The following CIITA variants were observed in gnomAD, a reference collection of about 807,000 sequenced individuals.
The protein encoded by CIITA is class II major histocompatibility complex transactivator, also known as MHC class II transactivator.
Under a neutral mutation model 115.1 loss-of-function variants are expected in CIITA, and 72 were observed. That is an observed-to-expected ratio of 0.63 (90% CI 0.52 to 0.76). The LOEUF (loss-of-function observed/expected upper bound fraction) is 0.76, where lower values mean the gene tolerates loss of function less well. Among genes scored for constraint, CIITA ranks in the 30% least tolerant of loss-of-function variants. CIITA has a pLI of 0.00. For missense variants in CIITA, 1,617 were observed against 1,463.8 expected (o/e 1.10, Z -1.71); for synonymous variants, 763 against 635.6 (o/e 1.20, Z -3.02).
chr16:10,912,248 G>T (rs780792196), intron 13 of CIITA, among the ~76,000 whole-genome samples: 3 of 151,974 alleles, frequency 2.0e-5, no homozygotes, highest in Non-Finnish European at 4.4e-5. Flanking sequence ...CGAGTAGCTG[G>T]GATTACAGGT....
intron 13 of CIITA, among the ~76,000 whole-genome samples, chr16:10,912,426 C>T (rs2039644538): frequency 6.6e-6 from 1 of 152,130 alleles, no homozygotes; most frequent in Non-Finnish European, 1.5e-5. Context: ...TAATTCAGTG[C>T]ATTTTATATA....
chr16:10,906,777 T>G lies in CIITA; in HGVS notation c.1285T>G (p.Trp429Gly). The G allele has an allele frequency of 6.2e-7, 1 of 1,611,624 alleles. No homozygotes were observed. Among genetic ancestry groups the G allele is most frequent in the South Asian group, 1.1e-5 (1 of 91,072 alleles). Residue 429 changes from tryptophan (W) to glycine (G), a missense_variant, in exon 11 of 20, where the codon TGG (tryptophan) becomes GGG (glycine). Physicochemically the swap from Trp to Gly is radical, Grantham distance 184. Coordinates refer to ENST00000324288, the MANE Select transcript of CIITA (RefSeq NM_000246.4). ...CAAAGCTGGTCAGGGCAAGAGCTATTGGGCTGGGGCAGTGAGCCGGGCCTG... is the reference window on the plus strand; with the variant it reads ...CAAAGCTGGTCAGGGCAAGAGCTATGGGGCTGGGGCAGTGAGCCGGGCCTG... Reference protein sequence around the residue: ...LGKAGQGKSYWAGAVSRAWAC... With the variant: ...LGKAGQGKSYGAGAVSRAWAC...
intron 1 of CIITA, among the ~76,000 whole-genome samples, chr16:10,877,780 A>C (rs1477032912): frequency 6.6e-6 from 1 of 152,220 alleles, no homozygotes; most frequent in Non-Finnish European, 1.5e-5. Flanking sequence ...CCAGAGAAGC[A>C]GGGAAACCAA....
intron 11 of CIITA, chr16:10,908,749 T>C (rs1368533590): frequency 3.4e-6 from 2 of 592,174 alleles, no homozygotes; most frequent in Non-Finnish European, 3.0e-6. Context: ...CCCCTAAACA[T>C]ACTTTACCCA....
At chr16:10,910,636 G>C (rs2144813984) in intron 13 of CIITA, among the ~76,000 whole-genome samples, 1 of 152,356 alleles carries the variant, frequency 6.6e-6, no homozygotes, top group East Asian at 1.9e-4. Flanking sequence ...GTGAGGATAA[G>C]GAATGAGCTG....
chr16:10,940,506 C>G (rs908314415), downstream of CIITA: 4 of 152,436 alleles, frequency 2.6e-5, no homozygotes, highest in African/African-American at 9.6e-5. The surrounding 1 kb of genome is among the most constrained non-coding windows in gnomAD (Gnocchi z 4.2). Context: ...CTCAGCATCC[C>G]CTCTTCATTG....
intron 1 of CIITA, among the ~76,000 whole-genome samples, chr16:10,885,186 G>A (rs1335086360): frequency 1.3e-5 from 2 of 152,190 alleles, no homozygotes; most frequent in African/African-American, 2.4e-5. Flanking sequence ...CCTATCGACT[G>A]GATTCAACTT....
Position 10,923,224 on chromosome 16 carries a change from G to T in CIITA, c.3318-4G>T, listed in dbSNP as rs772254170. On this transcript the variant is annotated splice_polypyrimidine_tract_variant and splice_region_variant and intron_variant, in intron 18 of 19. Coordinates refer to ENST00000324288, the MANE Select transcript of CIITA (RefSeq NM_000246.4). The surrounding 1 kb of genome is among the most constrained non-coding windows in gnomAD (Gnocchi z 5.2). ...CTGGCTCTGAGTCCCATCCCCCCTT[G>T]CAGGATGTGGACGCCCACCATCCCA... The T allele has an allele frequency of 3.7e-6, 6 of 1,612,556 alleles. No individual in the cohort carries two copies. In the East Asian group the frequency reaches 8.9e-5, roughly 24 times the overall value.
Position 10,902,753 on chromosome 16 carries a change from C to A in CIITA, c.724C>A (p.Gln242Lys), listed in dbSNP as rs745359262. 7.4e-6 allele frequency: 12 copies of A among 1,614,070 alleles called. No individual in the cohort carries two copies. The highest frequency in any genetic ancestry group is 3.3e-5 in the Admixed American group (2 of 60,000). ...TISTLPHGLW[Q>K]ISEAGTGVSS... ...CTCCACTCTGCCCCATGGGCTCTGG[C>A]AAATCTCTGAGGCTGGAACAGGGGT... The change falls in exon 8 of 20, where the codon CAA becomes AAA. Residue 242 changes from glutamine to lysine, a missense_variant. Gln to Lys is a moderately conservative substitution (Grantham distance 53). Transcript: ENST00000324288.
rs761755713 is a variant in CIITA at position 10,902,194 on chromosome 16, G to T, written c.628+10G>T. ...ACCGACCAGATTCCCAGTATGTTAG[G>T]GGGCTTGGAGAGAGTGGGCTTTCTC... On this transcript the variant is annotated intron_variant, in intron 7 of 19. Coordinates refer to ENST00000324288, the MANE Select transcript of CIITA (RefSeq NM_000246.4). The T allele has an allele frequency of 1.9e-6, 3 of 1,614,036 alleles. No individual in the cohort carries two copies. Among genetic ancestry groups the T allele is most frequent in the South Asian group, 2.2e-5 (2 of 91,086 alleles).
chr16:10,903,469 G>T (rs2038927037), intron 8 of CIITA, among the ~76,000 whole-genome samples: 1 of 152,200 alleles, frequency 6.6e-6, no homozygotes. Context: ...AGCAGGAAGA[G>T]TGCAATAGTA....
At chr16:10,871,801 A>G (rs1448040668) in intron 1 of CIITA, among the ~76,000 whole-genome samples, 2 of 152,120 alleles carry the variant, frequency 1.3e-5, no homozygotes, top group Non-Finnish European at 2.9e-5. Context: ...CGTGCCTTTC[A>G]TCTTGGACTG....
rs141420151 is a variant in CIITA at position 10,941,623 on chromosome 16, G to C, written n.749G>C. On this transcript the variant is annotated non_coding_transcript_exon_variant, in exon 2 of 2. Transcript: ENST00000573379. The surrounding 1 kb of genome is among the most constrained non-coding windows in gnomAD (Gnocchi z 6.4). ...CTGGGGAACCATCCCCGTCCAGATGGTGCCCCCAACCAGCTGCGGCGGCAT... is the reference window on the plus strand; with the variant it reads ...CTGGGGAACCATCCCCGTCCAGATGCTGCCCCCAACCAGCTGCGGCGGCAT... The C allele has an allele frequency of 4.1e-4, 616 of 1,515,670 alleles. 3 individuals are homozygous for C. In the African/African-American group the frequency reaches 7.4e-3, roughly 18 times the overall value. 93.9% of individuals were successfully genotyped at this position (1,515,670 alleles called of 1,614,324 possible). A position where few individuals can be genotyped will look rare whatever the true frequency, so the allele number is the denominator to read the frequency against.
chr16:10,926,377 G>T lies in CIITA; in HGVS notation c.*2522G>T, dbSNP rs1412811706. On this transcript the variant is annotated 3_prime_UTR_variant, in exon 20 of 20. Transcript: ENST00000324288. Reference sequence around the variant, plus strand: ...CAGAGGCCATGGGCCTCCTGTGTGTGCGCCTACAGGAGTGAGCACTAAGGT... The same window carrying T: ...CAGAGGCCATGGGCCTCCTGTGTGTTCGCCTACAGGAGTGAGCACTAAGGT... The T allele has an allele frequency of 3.3e-5, 5 of 152,328 alleles. No individual in the cohort carries two copies. In the East Asian group the frequency reaches 9.6e-4, roughly 29 times the overall value. The allele number at this position is 152,328 out of a possible 1,614,324, so 9.4% of individuals were successfully genotyped here.
chr16:10,914,988 C>G, intron 13 of CIITA: 1 of 451,232 alleles, frequency 2.2e-6, no homozygotes, highest in South Asian at 1.6e-5. Flanking sequence ...TGGCTCCCTA[C>G]TTAGAGACAA....
upstream of CIITA, among the ~76,000 whole-genome samples, chr16:10,875,370 C>A (rs1031810237): frequency 6.6e-6 from 1 of 152,188 alleles, no homozygotes. Flanking sequence ...ACTCCTCACC[C>A]GGGGACTTCT....
chr16:10,911,530 C>T (rs1358310363), intron 13 of CIITA, among the ~76,000 whole-genome samples: 1 of 142,744 alleles, frequency 7.0e-6, no homozygotes, highest in Non-Finnish European at 1.5e-5. Context: ...TCTCTTCCTT[C>T]CTTCTTTTTC....
Position 10,901,634 on chromosome 16 carries a change from C to T in CIITA, c.481+76C>T. ...GGGATGGAAGAGATTGAACTCCTGG[C>T]CCAAGTCTGATGGGGATGGTGCATG... On this transcript the variant is annotated intron_variant, in intron 6 of 19. Coordinates refer to ENST00000324288, the MANE Select transcript of CIITA (RefSeq NM_000246.4). The surrounding 1 kb of genome is among the most constrained non-coding windows in gnomAD (Gnocchi z 6.8). 1 of 1,468,464 alleles carries T rather than the reference C, an allele frequency of 6.8e-7. No individual in the cohort carries two copies. 91.0% of individuals were successfully genotyped at this position (1,468,464 alleles called of 1,614,324 possible).
At chr16:10,896,647 G>T (rs1057024552) in intron 3 of CIITA, among the ~76,000 whole-genome samples, 1 of 152,190 alleles carries the variant, frequency 6.6e-6, no homozygotes, top group Non-Finnish European at 1.5e-5. Flanking sequence ...GGAAGTAACT[G>T]CTTGGCTAGC....
Sources: allele counts gnomAD v4.1 joint callset (sites outside exome capture counted in the v4.1 genomes callset), GRCh38; gene constraint gnomAD v4.1.1; non-coding constraint Gnocchi (gnomAD v3.1); transcripts MANE v1.5; gene names NCBI Gene and HGNC (gene_info 2026-07-23, HGNC 2026-07-21).